The following CTRC variants were observed in gnomAD, a reference collection of about 807,000 sequenced individuals.
CTRC encodes the protein chymotrypsin-C.
In CTRC, 32 loss-of-function variants were observed where a neutral mutation model predicts 35.7. The ratio of observed to expected loss-of-function variants is 0.90; its 90% confidence interval spans 0.68 to 1.20. The LOEUF (loss-of-function observed/expected upper bound fraction) is 1.20. Ranked by LOEUF, CTRC falls within the 50% of genes most tolerant of loss-of-function variation. The pLI is 0.00. For synonymous variants in CTRC, 119 were observed against 149.5 expected (o/e 0.80, Z 1.49); for missense variants, 324 against 361.5 (o/e 0.90, Z 0.84).
At chr1:15,438,575 G>C (rs1708077478) in intron 1 of CTRC, 71 bp downstream of exon 1, 9 of 1,538,172 alleles carry the variant, frequency 5.9e-6, no homozygotes, top group Non-Finnish European at 8.1e-6. Context: ...AGGACGGGAT[G>C]GGGAGTGGGG....
rs575397166 is a variant in CTRC at position 15,442,480 on chromosome 1, G to A, written c.264G>A (p.Lys88=). 3 of 1,614,130 alleles carry A rather than the reference G, an allele frequency of 1.9e-6. No individual in the cohort carries two copies. The Admixed American group carries it at 5.0e-5, about 27-fold the overall frequency. ...GGACCTACCGTGTGGCCGTGGGAAA[G>A]AACAACCTGGAGGTGGAAGACGAAG... ...NTRTYRVAVG[K]NNLEVEDEEG... The change falls in exon 4 of 8, where the codon AAG becomes AAA. Residue 88 remains lysine, a synonymous_variant. Transcript: ENST00000375949.
At chr1:15,438,609 C>A in intron 1 of CTRC, 105 bp downstream of exon 1, 1 of 1,308,392 alleles carries the variant, frequency 7.6e-7, no homozygotes, top group Non-Finnish European at 1.1e-6. Context: ...CCAGGTAAGA[C>A]ACTTTGGGGT....
intron 3 of CTRC, 118 bp downstream of exon 3, chr1:15,440,708 C>A: frequency 1.2e-6 from 1 of 848,860 alleles, no homozygotes; most frequent in Non-Finnish European, 1.9e-6. Flanking sequence ...TCTACTCACA[C>A]CCAGTAACTC....
rs746688766 is a variant in CTRC, at chr1:15,448,339, A to AT, written c.*1768dup. ...AGGCACGCACCACCATGCACAGCTA[A>AT]TTTTTTTTTTTTTTTTTTAGACAGA... On this transcript the variant is annotated 3_prime_UTR_variant, in exon 8 of 8. Transcript: ENST00000375949. The AT allele has an allele frequency of 4.2e-3, 555 of 133,156 alleles. 3 individuals are homozygous for AT. Among genetic ancestry groups the AT allele is most frequent in the African/African-American group, 0.01 (366 of 36,076 alleles). 8.2% of individuals were successfully genotyped at this position (133,156 alleles called of 1,614,324 possible).
In CTRC at chr1:15,442,431, C is replaced by G. The variant is rs1229947170; in HGVS notation, c.231-16C>G. 1 of 1,604,288 alleles carries G rather than the reference C, an allele frequency of 6.2e-7. No homozygotes were observed. The highest frequency in any genetic ancestry group is 1.3e-5 in the African/African-American group (1 of 74,694). ...ACCAGGGGGCCACCCTGACCTGGAC[C>G]CCTTCCTCTGCCCAGCAACACCCGG... On this transcript the variant is annotated splice_polypyrimidine_tract_variant and intron_variant, in intron 3 of 7. Coordinates refer to ENST00000375949, the MANE Select transcript of CTRC (RefSeq NM_007272.3).
At chr1:15,442,309 C>G in intron 3 of CTRC, 138 bp from the exon 4 acceptor site, 1 of 1,133,870 alleles carries the variant, frequency 8.8e-7, no homozygotes, top group Non-Finnish European at 1.3e-6. Context: ...CCAGGCCCTT[C>G]CCCTCACCCT....
At chr1:15,442,834 G>T (rs939865965) in intron 4 of CTRC, among the ~76,000 whole-genome samples, 2 of 152,018 alleles carry the variant, frequency 1.3e-5, no homozygotes, top group African/African-American at 2.4e-5. Context: ...CTGGGCCAGC[G>T]CTCACCTTTA....
At chr1:15,443,311 C>T in intron 4 of CTRC, 108 bp from the exon 5 acceptor site, 1 of 1,324,232 alleles carries the variant, frequency 7.6e-7, no homozygotes, top group South Asian at 1.2e-5. Context: ...TGTGAAGGAC[C>T]CCTGAGCACC....
At position 15,445,687 on chromosome 1, in the gene CTRC, AACACCCGCAAGAAGCCGGTAGTCT is replaced by A. The variant is rs515726210; in HGVS notation, c.738_761del (p.Lys247_Arg254del). Reference sequence around the variant, plus strand: ...CAGCTTTGGCTCCCGGCGGGGCTGCAACACCCGCAAGAAGCCGGTAGTCTACACCCGGGTGTCCGCCTACATCGA... The same window carrying A: ...CAGCTTTGGCTCCCGGCGGGGCTGCAACACCCGGGTGTCCGCCTACATCGA... On this transcript the variant is annotated inframe_deletion, in exon 7 of 8. Transcript: ENST00000375949. 122 of 1,614,036 alleles carry A rather than the reference AACACCCGCAAGAAGCCGGTAGTCT, an allele frequency of 7.6e-5. No homozygotes were observed. The highest frequency in any genetic ancestry group is 9.3e-5 in the Non-Finnish European group (110 of 1,180,040).
At chr1:15,442,761 C>T (rs1382257697) in intron 4 of CTRC, among the ~76,000 whole-genome samples, 189 bp downstream of exon 4, 3 of 152,130 alleles carry the variant, frequency 2.0e-5, no homozygotes, top group Non-Finnish European at 4.4e-5. Context: ...TCATATCCCC[C>T]TCATTGGCCA....
At chr1:15,440,077 T>A (rs1007471899) in intron 1 of CTRC, among the ~76,000 whole-genome samples, 1 of 152,112 alleles carries the variant, frequency 6.6e-6, no homozygotes, top group African/African-American at 2.4e-5. Context: ...CTAATTCAGT[T>A]CTCAGGGCAA....
Position 15,445,597 on chromosome 1 carries a change from G to C in CTRC, c.640G>C (p.Gly214Arg). Residue 214 changes from glycine (G) to arginine (R), a missense_variant and splice_region_variant, in exon 7 of 8, where the codon GGG becomes CGG. Gly to Arg is a moderately radical substitution (Grantham distance 125). Transcript: ENST00000375949. ...CTTATGCCCTCCCGGTCTGGTGCAG[G>C]GGGACTCCGGTGGCCCACTGAACTG... ...GGDGVISACN[G>R]DSGGPLNCQL... 1.2e-6 allele frequency: 2 copies of C among 1,614,144 alleles called. No individual in the cohort carries two copies. The highest frequency in any genetic ancestry group is 1.7e-6 in the Non-Finnish European group (2 of 1,179,994).
At chr1:15,441,105 G>A (rs10436956) in intron 3 of CTRC, among the ~76,000 whole-genome samples, 1,906 of 152,192 alleles carry the variant, frequency 0.013, 39 homozygotes, top group African/African-American at 0.043. Flanking sequence ...ACTTGAACAC[G>A]GGAGGCAGAG....
chr1:15,440,534 G>T lies in CTRC; in HGVS notation c.174G>T (p.Thr58=), dbSNP rs746721892. The T allele has an allele frequency of 6.2e-7, 1 of 1,614,106 alleles. No individual in the cohort carries two copies. Among genetic ancestry groups the T allele is most frequent in the African/African-American group, 1.3e-5 (1 of 74,940 alleles). The change falls in exon 3 of 8, where the codon ACG becomes ACT. Residue 58 remains threonine, a synonymous_variant. Coordinates refer to ENST00000375949, the MANE Select transcript of CTRC (RefSeq NM_007272.3). ...QYLKNDTWRH[T]CGGTLIASNF... Reference sequence around the variant, plus strand: ...TCAAGAACGACACGTGGAGGCATACGTGTGGCGGGACTTTGATTGCTAGCA... The same window carrying T: ...TCAAGAACGACACGTGGAGGCATACTTGTGGCGGGACTTTGATTGCTAGCA...
At chr1:15,445,551 C>T (rs763435999) in intron 6 of CTRC, 46 bp from the exon 7 acceptor site, 6 of 1,603,088 alleles carry the variant, frequency 3.7e-6, no homozygotes, top group Non-Finnish European at 5.1e-6. Flanking sequence ...CCAAGACTTC[C>T]TCTGGGGGGG....
In CTRC at chr1:15,447,068, G is replaced by C. The variant is rs1175538956; in HGVS notation, c.*479G>C. 3.4e-6 allele frequency: 1 copy of C among 297,608 alleles called. No individual in the cohort carries two copies. The highest frequency in any genetic ancestry group is 6.6e-6 in the Non-Finnish European group (1 of 152,126). 18.4% of individuals were successfully genotyped at this position (297,608 alleles called of 1,614,324 possible). ...GTCTCCCCAAAAGCAGCGTCCCCCA[G>C]GCCAGAGAGACCAGGCCACAGGAGG... On this transcript the variant is annotated 3_prime_UTR_variant, in exon 8 of 8. Transcript: ENST00000375949.
chr1:15,441,371 G>A (rs1203033687), intron 3 of CTRC, among the ~76,000 whole-genome samples: 1 of 152,154 alleles, frequency 6.6e-6, no homozygotes, highest in South Asian at 2.1e-4. Flanking sequence ...GGATCTAGGA[G>A]AAGGGTGTTC....
At chr1:15,439,607 G>T (rs181714940) in intron 1 of CTRC, among the ~76,000 whole-genome samples, 167 of 152,200 alleles carry the variant, frequency 1.1e-3, no homozygotes, top group African/African-American at 3.8e-3. Context: ...GTTCTTGACC[G>T]CTCCACACAG....
intron 3 of CTRC, among the ~76,000 whole-genome samples, chr1:15,441,873 T>C (rs1045545970): frequency 1.3e-5 from 2 of 151,976 alleles, no homozygotes; most frequent in African/African-American, 4.8e-5. Context: ...GTTTGTTTGT[T>C]TGTTTTTTAA....
Sources: allele counts gnomAD v4.1 joint callset (sites outside exome capture counted in the v4.1 genomes callset), GRCh38; gene constraint gnomAD v4.1.1; transcripts MANE v1.5; gene names NCBI Gene and HGNC (gene_info 2026-07-23, HGNC 2026-07-21).